Variants in TSHZ3 observed in about 807,000 individuals in gnomAD.
TSHZ3 encodes teashirt homolog 3.
A neutral mutation model predicts 64.5 loss-of-function variants in TSHZ3; 10 were observed. The ratio of observed to expected loss-of-function variants is 0.16; its 90% CI spans 0.10 to 0.26. The LOEUF (loss-of-function observed/expected upper bound fraction) is 0.26. Ranked by LOEUF, TSHZ3 falls within the 10% of genes least tolerant of loss-of-function variation. The pLI is 1.00. For synonymous variants in TSHZ3, 608 were observed against 593.1 expected (o/e 1.03, Z -0.36); for missense variants, 1,242 against 1,421.7 (o/e 0.87, Z 2.03).
In TSHZ3 at chr19:31,277,001, T is replaced by C; in HGVS notation, c.2792A>G (p.Glu931Gly). ...KYIMSDLSPQ[E>G]RMHISRFTGL... The stretch of plus-strand genomic sequence containing the variant: ...GGTGAACCTGGAGATATGCATCCGC[T>C]CCTGGGGGCTCAGGTCTGACATGAT... Residue 931 changes from glutamate to glycine, a missense_variant, in exon 2 of 2, where the codon GAG becomes GGG. Around this residue, in one of 4 missense-constraint regions of TSHZ3, gnomAD observed 550 missense variants for 545.1 expected, o/e 1.01. Coordinates refer to ENST00000240587, the MANE Select transcript of TSHZ3 (RefSeq NM_020856.4). The surrounding 1 kb of genome is among the most constrained non-coding windows in gnomAD (Gnocchi z 4.5). The C allele has an allele frequency of 1.2e-6, 2 of 1,612,864 alleles. No homozygotes were observed. Among genetic ancestry groups the C allele is most frequent in the Non-Finnish European group, 8.5e-7 (1 of 1,179,098 alleles).
At chr19:31,156,436 A>G (rs1006731460) in intron 5 of TSHZ3, among the ~76,000 whole-genome samples, 17 of 152,116 alleles carry the variant, frequency 1.1e-4, no homozygotes, top group Admixed American at 2.0e-4. Context: ...AAAACAAGAT[A>G]TTATCAGTGG....
intron 1 of TSHZ3, among the ~76,000 whole-genome samples, chr19:31,342,019 C>T (rs1481241215): frequency 6.6e-6 from 1 of 152,182 alleles, no homozygotes; most frequent in Non-Finnish European, 1.5e-5. Flanking sequence ...GAACACTTGT[C>T]TATAAACCAG....
At chr19:31,340,699 G>A (rs187690942) in intron 1 of TSHZ3, among the ~76,000 whole-genome samples, 9 of 152,310 alleles carry the variant, frequency 5.9e-5, no homozygotes, top group Middle Eastern at 3.4e-3. Flanking sequence ...ACCAGTCTAG[G>A]AGTCACTACC....
chr19:31,349,617 C>A (rs2021644074), upstream of TSHZ3: 2 of 165,420 alleles, frequency 1.2e-5, no homozygotes, highest in African/African-American at 2.5e-5. Flanking sequence ...CCCCCCCCGC[C>A]CCGTCCCCAG....
intron 4 of TSHZ3, among the ~76,000 whole-genome samples, chr19:31,218,874 A>T (rs1390717744): frequency 3.3e-5 from 5 of 152,206 alleles, no homozygotes; most frequent in Non-Finnish European, 5.9e-5. Flanking sequence ...CTAAAGTGTC[A>T]TGGCCCATTG....
chr19:31,261,564 G>A (rs2145199155), intron 1 of TSHZ3, among the ~76,000 whole-genome samples: 1 of 152,310 alleles, frequency 6.6e-6, no homozygotes, highest in East Asian at 1.9e-4. Flanking sequence ...TTTCAAAAAT[G>A]TGTTTCTTGC....
chr19:31,305,093 G>A (rs1294128885), intron 1 of TSHZ3, among the ~76,000 whole-genome samples: 1 of 152,158 alleles, frequency 6.6e-6, no homozygotes. Flanking sequence ...AGATTAGCAA[G>A]TGCCACGAGC....
chr19:31,160,347 CGCTCT>C (rs1466105415), intron 5 of TSHZ3, among the ~76,000 whole-genome samples: 4 of 152,156 alleles, frequency 2.6e-5, no homozygotes, highest in Non-Finnish European at 4.4e-5. Flanking sequence ...AAAACAACAA[CGCTCT>C]GCGGTCTATC....
chr19:31,267,105 C>T (rs895079963), intron 1 of TSHZ3, among the ~76,000 whole-genome samples: 2 of 152,206 alleles, frequency 1.3e-5, no homozygotes, highest in Non-Finnish European at 2.9e-5. Context: ...ATACATGTCT[C>T]CTCTCTCCAG....
intron 5 of TSHZ3, among the ~76,000 whole-genome samples, chr19:31,182,436 T>C (rs999429037): frequency 6.6e-6 from 1 of 152,074 alleles, no homozygotes; most frequent in African/African-American, 2.4e-5. Context: ...CACTCCACAG[T>C]TTTGGAAATG....
At chr19:31,272,475 T>A (rs1022229767), downstream of TSHZ3, among the ~76,000 whole-genome samples, 1 of 152,152 alleles carries the variant, frequency 6.6e-6, no homozygotes, top group African/African-American at 2.4e-5. Context: ...TTTTGCAGAA[T>A]GAAAATAGAA....
rs199915327 is a variant in TSHZ3 at position 31,279,457 on chromosome 19, C to A, written c.336G>T (p.Ser112=). 2 of 1,614,182 alleles carry A rather than the reference C, an allele frequency of 1.2e-6. No homozygotes were observed. Among genetic ancestry groups the A allele is most frequent in the Non-Finnish European group, 1.7e-6 (2 of 1,180,044 alleles). Residue 112 remains serine (S), a synonymous_variant, in exon 2 of 2, where the codon TCG becomes TCT. Transcript: ENST00000240587. The surrounding 1 kb of genome is among the most constrained non-coding windows in gnomAD (Gnocchi z 6.4). The part of the protein sequence containing the change: ...VTVPLEDTTV[S]DSLEQMKAVY... The stretch of plus-strand genomic sequence containing the variant: ...CGGCCTTCATCTGCTCCAGGCTATC[C>A]GACACAGTCGTGTCTTCCAGTGGGA...
intron 1 of TSHZ3, 127 bp downstream of exon 1, chr19:31,349,053 G>C: frequency 8.0e-7 from 1 of 1,246,446 alleles, no homozygotes. Context: ...AAACAGGAGA[G>C]CGGCGCCCGG....
chr19:31,317,481 C>T (rs1916635259), intron 1 of TSHZ3, among the ~76,000 whole-genome samples: 1 of 152,178 alleles, frequency 6.6e-6, no homozygotes, highest in Non-Finnish European at 1.5e-5. Context: ...GTCTCCTGGT[C>T]CTTATGTCCT....
intron 5 of TSHZ3, among the ~76,000 whole-genome samples, chr19:31,176,298 A>C (rs1038657028): frequency 1.3e-5 from 2 of 152,204 alleles, no homozygotes; most frequent in Non-Finnish European, 2.9e-5. Flanking sequence ...CACATGTTTC[A>C]GAGTTGACAA....
intron 5 of TSHZ3, among the ~76,000 whole-genome samples, chr19:31,175,096 C>A (rs566675373): frequency 6.6e-6 from 1 of 152,238 alleles, no homozygotes; most frequent in South Asian, 2.1e-4. Flanking sequence ...CCTGGAAGGC[C>A]ATTTGTCTGT....
intron 4 of TSHZ3, among the ~76,000 whole-genome samples, chr19:31,206,203 G>T (rs1374917064): frequency 6.6e-6 from 1 of 152,002 alleles, no homozygotes; most frequent in Non-Finnish European, 1.5e-5. Flanking sequence ...ATGACTGGAT[G>T]AATGAATAAA....
intron 5 of TSHZ3, among the ~76,000 whole-genome samples, chr19:31,162,443 G>A (rs572188508): frequency 1.6e-3 from 249 of 152,112 alleles, no homozygotes; most frequent in Middle Eastern, 3.4e-3. Flanking sequence ...TTCCTGGCCC[G>A]CCCAAATTTG....
intron 1 of TSHZ3, among the ~76,000 whole-genome samples, chr19:31,245,061 G>A (rs555486151): frequency 6.6e-6 from 1 of 152,290 alleles, no homozygotes; most frequent in African/African-American, 2.4e-5. Context: ...AATATTCACA[G>A]TGTTATTATC....
Sources: allele counts gnomAD v4.1 joint callset (sites outside exome capture counted in the v4.1 genomes callset), GRCh38; gene constraint gnomAD v4.1.1; regional missense constraint gnomAD v4.1.1; non-coding constraint Gnocchi (gnomAD v3.1); transcripts MANE v1.5; gene names NCBI Gene and HGNC (gene_info 2026-07-23, HGNC 2026-07-21).